Variants in MLLT3 observed in about 807,000 individuals in gnomAD.
MLLT3 encodes protein AF-9.
A neutral mutation model predicts 53.2 loss-of-function variants in MLLT3; 4 were observed. The ratio of observed to expected loss-of-function variants is 0.08; its 90% CI spans 0.04 to 0.17. The LOEUF is 0.17. Ranked by LOEUF, MLLT3 falls within the 10% of genes least tolerant of loss-of-function variation. The pLI, the probability that MLLT3 is intolerant of heterozygous loss-of-function variation, is 1.00. For synonymous variants in MLLT3, 283 were observed against 230.6 expected, an observed-to-expected ratio of 1.23 and a Z score of -2.06; for missense variants, 569 against 684.0, an observed-to-expected ratio of 0.83 and a Z score of 1.87.
At chr9:20,531,096 G>A (rs994365331) in intron 2 of MLLT3, among the ~76,000 whole-genome samples, 1 of 73,276 alleles carries the variant, frequency 1.4e-5, no homozygotes, top group African/African-American at 6.0e-5. Context: ...TTTTTTTTTT[G>A]ATACATTGCC....
At chr9:20,546,600 C>T (rs1306972282) in intron 2 of MLLT3, among the ~76,000 whole-genome samples, 2 of 151,520 alleles carry the variant, frequency 1.3e-5, no homozygotes, top group East Asian at 3.9e-4. Flanking sequence ...ATGGTAGACA[C>T]ACCTGACAGT....
At chr9:20,559,799 G>A (rs1819154969) in intron 2 of MLLT3, among the ~76,000 whole-genome samples, 1 of 152,134 alleles carries the variant, frequency 6.6e-6, no homozygotes, top group African/African-American at 2.4e-5. Context: ...ACTCCTGAAT[G>A]TTCAATATGC....
At chr9:20,447,988 A>G in intron 4 of MLLT3, 135 bp downstream of exon 4, 1 of 884,322 alleles carries the variant, frequency 1.1e-6, no homozygotes, top group East Asian at 2.5e-5. Context: ...CAGCTAAGCC[A>G]TTAAGGTACA....
intron 5 of MLLT3, among the ~76,000 whole-genome samples, chr9:20,404,859 C>G (rs1055972915): frequency 6.6e-6 from 1 of 151,906 alleles, no homozygotes. Flanking sequence ...TCCTGGACCA[C>G]TCCTCCTGAG....
intron 2 of MLLT3, among the ~76,000 whole-genome samples, chr9:20,586,758 G>A (rs747193218): frequency 2.6e-5 from 4 of 152,122 alleles, no homozygotes; most frequent in Admixed American, 6.6e-5. Context: ...GAGACTCACT[G>A]GTTAGGGAAG....
At chr9:20,520,453 C>T (rs1818029938) in intron 2 of MLLT3, among the ~76,000 whole-genome samples, 2 of 152,080 alleles carry the variant, frequency 1.3e-5, no homozygotes, top group African/African-American at 2.4e-5. Context: ...GCACTTATTT[C>T]GAGTTACTTT....
intron 10 of MLLT3, among the ~76,000 whole-genome samples, chr9:20,348,477 A>C (rs1373138338): frequency 6.6e-6 from 1 of 152,228 alleles, no homozygotes; most frequent in African/African-American, 2.4e-5. Context: ...CCCATTAAGA[A>C]GACGAATACA....
Position 20,621,720 on chromosome 9 carries a change from C to A in MLLT3, c.12+525G>T. 1 of 1,477,384 alleles carries A rather than the reference C, an allele frequency of 6.8e-7. No individual in the cohort carries two copies. The highest frequency in any genetic ancestry group is 9.0e-7 in the Non-Finnish European group (1 of 1,116,906). 91.5% of individuals were successfully genotyped at this position (1,477,384 alleles called of 1,614,324 possible). ...GGGGCAAAGTTGCGTGCGGCCCCGC[C>A]GCTGTCAGCCCCGCACACTTCGGCT... On this transcript the variant is annotated intron_variant, in intron 1 of 10. Transcript: ENST00000380338. This position sits in a 1 kb window ranked among gnomAD's most constrained non-coding sequence, Gnocchi z 7.0.
At chr9:20,494,413 G>C (rs967974269) in intron 2 of MLLT3, among the ~76,000 whole-genome samples, 7 of 151,994 alleles carry the variant, frequency 4.6e-5, no homozygotes, top group Non-Finnish European at 4.4e-5. Context: ...TCACTATAAA[G>C]GGTCAACTTA....
At chr9:20,507,406 C>T (rs186685591) in intron 2 of MLLT3, among the ~76,000 whole-genome samples, 1 of 152,226 alleles carries the variant, frequency 6.6e-6, no homozygotes, top group East Asian at 1.9e-4. Flanking sequence ...GCAGCCTAGG[C>T]TCAAAACTTC....
At chr9:20,372,160 G>T (rs951732223) in intron 5 of MLLT3, among the ~76,000 whole-genome samples, 1 of 152,162 alleles carries the variant, frequency 6.6e-6, no homozygotes, top group African/African-American at 2.4e-5. Context: ...GATGAGCAAA[G>T]AAACTGGTTT....
At chr9:20,558,795 A>G (rs935506199) in intron 2 of MLLT3, among the ~76,000 whole-genome samples, 2 of 152,208 alleles carry the variant, frequency 1.3e-5, no homozygotes, top group East Asian at 1.9e-4. Flanking sequence ...TTTGCCCACT[A>G]TGAGAAACTG....
At chr9:20,561,846 C>T (rs1259358827) in intron 2 of MLLT3, among the ~76,000 whole-genome samples, 1 of 152,050 alleles carries the variant, frequency 6.6e-6, no homozygotes, top group Non-Finnish European at 1.5e-5. Context: ...GACAGACCAA[C>T]AGCTATGATT....
chr9:20,581,199 G>C (rs913827405), intron 2 of MLLT3, among the ~76,000 whole-genome samples: 1 of 152,154 alleles, frequency 6.6e-6, no homozygotes, highest in African/African-American at 2.4e-5. Flanking sequence ...AGACATTGCT[G>C]TTTCTCAAGT....
Position 20,448,031 on chromosome 9 carries a change from T to C in MLLT3, c.420+92A>G. 1.4e-6 allele frequency: 2 copies of C among 1,419,892 alleles called. No individual in the cohort carries two copies. Among genetic ancestry groups the C allele is most frequent in the South Asian group, 1.4e-5 (1 of 73,046 alleles). The allele number at this position is 1,419,892 out of a possible 1,614,324, so 88.0% of individuals were successfully genotyped here. A position where few individuals can be genotyped will look rare whatever the true frequency, so the allele number is the denominator to read the frequency against. ...TTTTACCTCTCCCAAAACCTTATAC[T>C]TTTTAACACATGAGGAACTAGTTTG... On this transcript the variant is annotated intron_variant, in intron 4 of 10. Transcript: ENST00000380338. This position sits in a 1 kb window ranked among gnomAD's most constrained non-coding sequence, Gnocchi z 4.0.
chr9:20,360,708 CAG>C, intron 8 of MLLT3, 32 bp downstream of exon 8: 1 of 1,522,758 alleles, frequency 6.6e-7, no homozygotes, highest in Non-Finnish European at 9.1e-7. Flanking sequence ...CCTAGCTCTG[CAG>C]AGTCTTGCAA....
chr9:20,389,341 T>C (rs1052571385), intron 5 of MLLT3, among the ~76,000 whole-genome samples: 1 of 152,234 alleles, frequency 6.6e-6, no homozygotes, highest in Non-Finnish European at 1.5e-5. Flanking sequence ...AGTAGATTAC[T>C]GGTTGCCTGT....
At chr9:20,566,403 A>G (rs1376986065) in intron 2 of MLLT3, among the ~76,000 whole-genome samples, 2 of 152,122 alleles carry the variant, frequency 1.3e-5, no homozygotes, top group African/African-American at 4.8e-5. Context: ...TGCATGAACA[A>G]TACACGCTTA....
At chr9:20,471,070 T>A (rs2118888287) in intron 2 of MLLT3, among the ~76,000 whole-genome samples, 1 of 152,120 alleles carries the variant, frequency 6.6e-6, no homozygotes. Context: ...GCTCAAGAGC[T>A]CTGCCAGCCA....
Sources: gnomAD v4.1 joint callset for allele counts (sites outside exome capture counted in the v4.1 genomes callset) on GRCh38, gnomAD v4.1.1 for gene constraint, Gnocchi (gnomAD v3.1) non-coding constraint, MANE v1.5 for transcripts, NCBI Gene and HGNC (gene_info 2026-07-23, HGNC 2026-07-21) for gene names.